The following LARP4B variants were observed in gnomAD, a reference collection of about 807,000 sequenced individuals.
LARP4B encodes the protein la-related protein 4B.
In LARP4B, 12 loss-of-function variants were observed where a neutral mutation model predicts 89.8. The observed-to-expected ratio is 0.13, with a 90% confidence interval of 0.09 to 0.22. LARP4B has a LOEUF of 0.22. Ranked by LOEUF, LARP4B falls within the 10% of genes least tolerant of loss-of-function variation. The probability of loss-of-function intolerance (pLI) is 1.00; values close to 1 mark genes in which losing one functional copy is unlikely to be tolerated. For missense variants in LARP4B, 757 were observed against 947.7 expected, an observed-to-expected ratio of 0.80 and a Z score of 2.64; for synonymous variants, 367 against 363.3, an observed-to-expected ratio of 1.01 and a Z score of -0.12.
chr10:966,169 A>C, the LARP4B span, among the ~76,000 whole-genome samples: 1 of 152,020 alleles, frequency 6.6e-6, no homozygotes, highest in African/African-American at 2.4e-5. Context: ...AAAAAGAAGA[A>C]GGAGGCTGGG....
chr10:835,536 CT>C, intron 8 of LARP4B, among the ~76,000 whole-genome samples: 1 of 152,318 alleles, frequency 6.6e-6, no homozygotes, highest in South Asian at 2.1e-4. Flanking sequence ...TCTACAAAGA[CT>C]TTACCTCATG....
intron 1 of LARP4B, among the ~76,000 whole-genome samples, chr10:922,840 A>G (rs368722759): frequency 6.6e-6 from 1 of 152,194 alleles, no homozygotes; most frequent in South Asian, 2.1e-4. Context: ...TGGGAGGCCA[A>G]GGCAGGCAGA....
intron 4 of LARP4B, 35 bp downstream of exon 4, chr10:864,088 C>G (rs374973614): frequency 1.2e-6 from 2 of 1,612,154 alleles, no homozygotes; most frequent in Non-Finnish European, 1.7e-6. Flanking sequence ...GGCCTGAAAG[C>G]AGGGGGCTGC....
At chr10:982,801 G>A in the LARP4B span, among the ~76,000 whole-genome samples, 7,700 of 152,276 alleles carry the variant, frequency 0.051, 637 homozygotes, top group African/African-American at 0.18. Context: ...CCAATGGAAA[G>A]TGAGCTATGA....
intron 3 of LARP4B, among the ~76,000 whole-genome samples, chr10:872,741 C>A (rs1835282243): frequency 6.6e-6 from 1 of 152,238 alleles, no homozygotes. Flanking sequence ...ATCTTCCCAA[C>A]AACCTTGTCG....
At chr10:865,265 C>T (rs1033130736) in intron 3 of LARP4B, among the ~76,000 whole-genome samples, 2 of 152,202 alleles carry the variant, frequency 1.3e-5, no homozygotes, top group Admixed American at 6.5e-5. Flanking sequence ...CCATGGACAG[C>T]TGTGGAACAT....
the LARP4B span, among the ~76,000 whole-genome samples, chr10:979,541 T>C: frequency 6.3e-4 from 96 of 152,352 alleles, no homozygotes; most frequent in East Asian, 0.018. Context: ...CCCTTCTACA[T>C]GGTTTTAGCA....
the LARP4B span, among the ~76,000 whole-genome samples, chr10:950,916 G>T: frequency 6.6e-6 from 1 of 150,966 alleles, no homozygotes. Context: ...TTTTCTCTGT[G>T]GACAATCATG....
rs1332212292 is a variant in LARP4B, at chr10:824,974, ATATT to A, written c.1484+87_1484+90del. On this transcript the variant is annotated intron_variant, in intron 13 of 17. Transcript: ENST00000316157. The stretch of plus-strand genomic sequence containing the variant: ...AGCCTTCAGTTAGATTTTCTGTGAC[ATATT>A]TAAAGACAATTACAAAACATATCTA... 1.0e-4 allele frequency: 130 copies of A among 1,278,788 alleles called. No homozygotes were observed. In the African/African-American group the frequency reaches 1.8e-3, roughly 18 times the overall value. 79.2% of individuals were successfully genotyped at this position (1,278,788 alleles called of 1,614,324 possible).
chr10:849,794 T>C (rs59368559), intron 5 of LARP4B, among the ~76,000 whole-genome samples: 3,559 of 152,310 alleles, frequency 0.023, 99 homozygotes, highest in African/African-American at 0.063. Flanking sequence ...GTGTTTTACC[T>C]TCTCAAACCC....
chr10:861,047 T>C (rs1184976320), intron 5 of LARP4B, among the ~76,000 whole-genome samples: 3 of 152,066 alleles, frequency 2.0e-5, no homozygotes, highest in African/African-American at 7.2e-5. Flanking sequence ...TCCCAGCTAC[T>C]GGGGAGGCTG....
chr10:820,429 T>A, intron 14 of LARP4B: 1 of 198,692 alleles, frequency 5.0e-6, no homozygotes, highest in Non-Finnish European at 1.0e-5. Context: ...ATGCTTACTC[T>A]GCTCATTGAA....
chr10:956,190 A>G, the LARP4B span, among the ~76,000 whole-genome samples: 6 of 151,842 alleles, frequency 4.0e-5, no homozygotes, highest in African/African-American at 1.5e-4. The surrounding 1 kb of genome is among the most constrained non-coding windows in gnomAD (Gnocchi z 4.3). Flanking sequence ...ACCCAAGCCA[A>G]CCCCTACAGC....
At position 888,349 on chromosome 10, in the gene LARP4B, A is replaced by AAC. The variant is rs371606937; in HGVS notation, c.-39-2591_-39-2590dup. On this transcript the variant is annotated intron_variant, in intron 1 of 17. Transcript: ENST00000316157. Reference sequence around the variant, plus strand: ...ACAAACAAACAAACAAAAAAAAAAAAACACACACACACACACAAACAAAAA... The same window carrying AAC: ...ACAAACAAACAAACAAAAAAAAAAAAACACACACACACACACACAAACAAAAA... Among the ~76,000 whole-genome samples, 519 of 151,098 alleles carry AAC rather than the reference A, an allele frequency of 3.4e-3. 3 individuals are homozygous for AAC. Among genetic ancestry groups the AAC allele is most frequent in the Admixed American group, 8.5e-3 (129 of 15,178 alleles).
At chr10:975,678 C>T in the LARP4B span, among the ~76,000 whole-genome samples, 192 of 152,276 alleles carry the variant, frequency 1.3e-3, 2 homozygotes, top group Non-Finnish European at 2.1e-3. Context: ...AATTGTGGCC[C>T]GGCCTAGTAC....
intron 1 of LARP4B, among the ~76,000 whole-genome samples, chr10:894,877 C>T (rs1393682179): frequency 6.6e-6 from 1 of 152,160 alleles, no homozygotes; most frequent in Non-Finnish European, 1.5e-5. Context: ...CTCTCTACTT[C>T]TATGTGTTTA....
chr10:835,884 G>A (rs1833188418), intron 8 of LARP4B, among the ~76,000 whole-genome samples: 1 of 151,682 alleles, frequency 6.6e-6, no homozygotes, highest in Non-Finnish European at 1.5e-5. Context: ...AGTGAGCCGA[G>A]GTTGCGCCAC....
Position 849,267 on chromosome 10 carries a change from G to A in LARP4B, c.431-4212C>T, listed in dbSNP as rs12245759. 1.8e-3 allele frequency among the ~76,000 whole-genome samples: 280 copies of A among 152,260 alleles called. 1 individual carries two copies. The highest frequency in any genetic ancestry group is 6.6e-3 in the African/African-American group (276 of 41,542). ...TTTCTGATATCACTGTCCAATGAAG[G>A]ACCCAGCGCTCCTTGGAGAAATGGC... On this transcript the variant is annotated intron_variant, in intron 5 of 17. Coordinates refer to ENST00000316157, the MANE Select transcript of LARP4B (RefSeq NM_015155.3).
At chr10:875,619 G>A (rs1835422956) in intron 3 of LARP4B, among the ~76,000 whole-genome samples, 1 of 152,252 alleles carries the variant, frequency 6.6e-6, no homozygotes, top group South Asian at 2.1e-4. Flanking sequence ...TCTGGAGGCT[G>A]AGAGTCTCAA....
Sources: gnomAD v4.1 joint callset for allele counts (sites outside exome capture counted in the v4.1 genomes callset) on GRCh38, gnomAD v4.1.1 for gene constraint, Gnocchi (gnomAD v3.1) non-coding constraint, MANE v1.5 for transcripts, NCBI Gene and HGNC (gene_info 2026-07-23, HGNC 2026-07-21) for gene names.